The following ACVR2A variants were observed in gnomAD, a reference collection of about 807,000 sequenced individuals.
ACVR2A encodes activin receptor type-2A.
In ACVR2A, 7 loss-of-function variants were observed where a neutral mutation model predicts 61.4. The observed-to-expected ratio is 0.11, with a 90% CI of 0.06 to 0.21. The LOEUF is 0.21. Among genes scored for constraint, ACVR2A ranks in the 10% least tolerant of loss-of-function variants. The pLI, the probability that ACVR2A is intolerant of heterozygous loss-of-function variation, is 1.00. For synonymous variants in ACVR2A, 193 were observed against 208.3 expected, an observed-to-expected ratio of 0.93 and a Z score of 0.63; for missense variants, 322 against 621.7, an observed-to-expected ratio of 0.52 and a Z score of 5.13.
At position 147,928,182 on chromosome 2, in the gene ACVR2A, G is replaced by GTGTT. The variant is rs892628161; in HGVS notation, c.*911_*914dup. The GTGTT allele has an allele frequency of 1.3e-5, 2 of 152,214 alleles. No homozygotes were observed. The highest frequency in any genetic ancestry group is 2.4e-5 in the African/African-American group (1 of 41,350). 9.4% of individuals were successfully genotyped at this position (152,214 alleles called of 1,614,324 possible). ...CCTAAGTATTTTTTTTAGGTGTGCT[G>GTGTT]TGTTTGGGGAATATTTGAAAATTTA... On this transcript the variant is annotated 3_prime_UTR_variant, in exon 11 of 11. Transcript: ENST00000241416.
At chr2:147,878,802 G>C (rs943736745) in intron 1 of ACVR2A, among the ~76,000 whole-genome samples, 1 of 152,014 alleles carries the variant, frequency 6.6e-6, no homozygotes, top group African/African-American at 2.4e-5. Flanking sequence ...CCAGCTATTT[G>C]GGAGGCTAGG....
intron 7 of ACVR2A, among the ~76,000 whole-genome samples, chr2:147,919,379 G>A (rs1687326100): frequency 6.6e-6 from 1 of 152,054 alleles, no homozygotes; most frequent in Non-Finnish European, 1.5e-5. Context: ...CCTCGTCTTC[G>A]ATTTTCCCTT....
At chr2:147,868,096 A>G (rs965646845) in intron 1 of ACVR2A, among the ~76,000 whole-genome samples, 22 of 152,058 alleles carry the variant, frequency 1.4e-4, no homozygotes, top group African/African-American at 4.8e-4. Flanking sequence ...TTTCTCATTC[A>G]TCTCTGTATT....
intron 1 of ACVR2A, among the ~76,000 whole-genome samples, chr2:147,878,869 A>G (rs895821024): frequency 1.3e-5 from 2 of 152,102 alleles, no homozygotes; most frequent in Non-Finnish European, 2.9e-5. Flanking sequence ...TTACCATGCC[A>G]CTGCACTCCA....
chr2:147,893,044 A>G (rs1196364708), intron 1 of ACVR2A, among the ~76,000 whole-genome samples: 4 of 152,006 alleles, frequency 2.6e-5, no homozygotes, highest in Non-Finnish European at 5.9e-5. Context: ...TCATCCCACA[A>G]AGTTTCCTCA....
chr2:147,913,822 C>CA (rs575237522), intron 4 of ACVR2A, among the ~76,000 whole-genome samples: 731 of 61,808 alleles, frequency 0.012, 149 homozygotes, highest in African/African-American at 0.056. Flanking sequence ...AACTTGTAGA[C>CA]AAAAAAAAAA....
intron 1 of ACVR2A, among the ~76,000 whole-genome samples, chr2:147,860,100 C>G (rs967401710): frequency 3.3e-5 from 5 of 152,060 alleles, no homozygotes; most frequent in African/African-American, 1.2e-4. Flanking sequence ...GAAAGGATGA[C>G]GTAGTATGTA....
intron 9 of ACVR2A, 166 bp from the exon 10 acceptor site, chr2:147,925,865 G>T (rs1687488885): frequency 6.6e-6 from 4 of 601,756 alleles, no homozygotes; most frequent in Non-Finnish European, 1.1e-5. Context: ...CATTAGTTTG[G>T]TCACACTGTG....
intron 4 of ACVR2A, among the ~76,000 whole-genome samples, chr2:147,914,517 G>A (rs552690249): frequency 5.3e-5 from 8 of 151,788 alleles, no homozygotes; most frequent in South Asian, 2.1e-4. Flanking sequence ...ATTTTTATTC[G>A]TACTTCTTTG....
At chr2:147,923,583 G>A (rs114747195) in intron 9 of ACVR2A, among the ~76,000 whole-genome samples, 2,434 of 152,122 alleles carry the variant, frequency 0.016, 29 homozygotes, top group African/African-American at 0.034. Flanking sequence ...CCATGTTCAA[G>A]TCTTATAGAT....
chr2:147,859,745 C>T (rs559822268), intron 1 of ACVR2A, among the ~76,000 whole-genome samples: 7 of 152,140 alleles, frequency 4.6e-5, no homozygotes, highest in African/African-American at 1.4e-4. Flanking sequence ...TAAAGGCAGT[C>T]TCTTGATTTC....
chr2:147,896,563 T>C, intron 2 of ACVR2A, 55 bp downstream of exon 2: 2 of 1,540,838 alleles, frequency 1.3e-6, no homozygotes, highest in South Asian at 1.1e-5. Context: ...ACACTTCCCC[T>C]CTTTTTGAAA....
chr2:147,904,379 A>G (rs1686938518), intron 4 of ACVR2A, among the ~76,000 whole-genome samples: 1 of 151,942 alleles, frequency 6.6e-6, no homozygotes, highest in African/African-American at 2.4e-5. Flanking sequence ...TGCTTATAAG[A>G]TCTATATTTG....
chr2:147,919,259 G>A (rs983135409), intron 7 of ACVR2A, among the ~76,000 whole-genome samples: 4 of 152,108 alleles, frequency 2.6e-5, no homozygotes, highest in Non-Finnish European at 5.9e-5. Flanking sequence ...TTAGGTTGCT[G>A]GGAGGCATTA....
chr2:147,883,903 T>C (rs1573676632), intron 1 of ACVR2A, among the ~76,000 whole-genome samples: 1 of 152,118 alleles, frequency 6.6e-6, no homozygotes, highest in Non-Finnish European at 1.5e-5. Context: ...AAGTGATCCA[T>C]TTTTACTCTT....
chr2:147,883,735 T>G (rs943221231), intron 1 of ACVR2A, among the ~76,000 whole-genome samples: 6 of 152,176 alleles, frequency 3.9e-5, no homozygotes, highest in Non-Finnish European at 7.4e-5. Context: ...TATTGTTAAT[T>G]TTCTTCATTA....
chr2:147,893,853 A>C (rs1386049243), intron 1 of ACVR2A, among the ~76,000 whole-genome samples: 1 of 152,062 alleles, frequency 6.6e-6, no homozygotes, highest in Non-Finnish European at 1.5e-5. Context: ...GCCTTCAAAG[A>C]GTAGAAGTTT....
intron 9 of ACVR2A, among the ~76,000 whole-genome samples, chr2:147,924,850 T>G (rs951567323): frequency 6.6e-6 from 1 of 151,946 alleles, no homozygotes; most frequent in Non-Finnish European, 1.5e-5. Context: ...AAGCTACCAG[T>G]TGACGGCAGT....
intron 1 of ACVR2A, among the ~76,000 whole-genome samples, chr2:147,889,471 G>A (rs1019130390): frequency 6.6e-6 from 1 of 152,086 alleles, no homozygotes; most frequent in African/African-American, 2.4e-5. Context: ...TTGGCCGGGC[G>A]CAGTGGCTCA....
Sources: gnomAD v4.1 joint callset for allele counts (sites outside exome capture counted in the v4.1 genomes callset) on GRCh38, gnomAD v4.1.1 for gene constraint, MANE v1.5 for transcripts, NCBI Gene and HGNC (gene_info 2026-07-23, HGNC 2026-07-21) for gene names.